The following MINDY4 variants were observed in gnomAD, a reference collection of about 807,000 sequenced individuals.
The protein encoded by MINDY4 is MINDY lysine 48 deubiquitinase 4, also known as probable ubiquitin carboxyl-terminal hydrolase MINDY-4.
A neutral mutation model predicts 87.0 loss-of-function variants in MINDY4; 68 were observed. That is an observed-to-expected ratio of 0.78 (90% CI 0.64 to 0.96). The LOEUF (loss-of-function observed/expected upper bound fraction) is 0.96. Among genes scored for constraint, MINDY4 ranks in the 40% least tolerant of loss-of-function variants. The probability of loss-of-function intolerance (pLI) is 0.00; values close to 1 mark genes in which losing one functional copy is unlikely to be tolerated. For missense variants in MINDY4, 919 were observed against 928.2 expected (o/e 0.99, Z 0.13); for synonymous variants, 379 against 363.2 (o/e 1.04, Z -0.50).
rs188192187 is a variant in MINDY4 at position 30,865,611 on chromosome 7, A to C, written c.1745+6287A>C. Among the ~76,000 whole-genome samples, 204 of 152,310 alleles carry C rather than the reference A, an allele frequency of 1.3e-3. 1 individual carries two copies. Among genetic ancestry groups the C allele is most frequent in the African/African-American group, 4.5e-3 (185 of 41,564 alleles). ...CTCGCTTCCTCTGGAGACCCTGTGC[A>C]GACACCTGAATCTGGAGGCTTAGCC... On this transcript the variant is annotated intron_variant, in intron 13 of 17. Transcript: ENST00000265299.
At chr7:30,806,013 G>A (rs1046917110) in intron 5 of MINDY4, among the ~76,000 whole-genome samples, 23 of 152,170 alleles carry the variant, frequency 1.5e-4, no homozygotes, top group African/African-American at 5.1e-4. Context: ...GCTCAGTAAC[G>A]ATAATTGATG....
At chr7:30,861,742 A>C (rs1383679457) in intron 13 of MINDY4, among the ~76,000 whole-genome samples, 1 of 152,248 alleles carries the variant, frequency 6.6e-6, no homozygotes, top group East Asian at 1.9e-4. Context: ...CCAGGAGCTC[A>C]GATGGCTCTG....
intron 12 of MINDY4, among the ~76,000 whole-genome samples, chr7:30,855,367 T>C (rs7780081): frequency 0.43 from 65,525 of 152,146 alleles, 19,104 homozygotes; most frequent in African/African-American, 0.83. Context: ...TCCGGAGTGT[T>C]GTGAGAGTGC....
intron 5 of MINDY4, among the ~76,000 whole-genome samples, chr7:30,815,398 C>T (rs1233483630): frequency 6.6e-6 from 1 of 152,222 alleles, no homozygotes; most frequent in Non-Finnish European, 1.5e-5. Flanking sequence ...TAGTGGCCCA[C>T]CCACACCTGG....
intron 7 of MINDY4, among the ~76,000 whole-genome samples, chr7:30,837,327 A>AGTGGT (rs1788888128): frequency 6.6e-6 from 1 of 152,140 alleles, no homozygotes; most frequent in Non-Finnish European, 1.5e-5. Context: ...CACTCCCGTG[A>AGTGGT]CCAGAGGCTC....
intron 5 of MINDY4, among the ~76,000 whole-genome samples, chr7:30,806,030 A>T (rs1176003219): frequency 6.6e-6 from 1 of 152,198 alleles, no homozygotes; most frequent in Non-Finnish European, 1.5e-5. Context: ...GATGTCTGTA[A>T]TGATGGGCCC....
chr7:30,810,401 T>C (rs1194052037), intron 5 of MINDY4, among the ~76,000 whole-genome samples: 1 of 151,212 alleles, frequency 6.6e-6, no homozygotes, highest in Admixed American at 6.6e-5. Flanking sequence ...ATACCTTTGG[T>C]AAAAGGATTA....
intron 1 of MINDY4, among the ~76,000 whole-genome samples, chr7:30,775,131 G>A (rs562592323): frequency 6.6e-6 from 1 of 152,150 alleles, no homozygotes; most frequent in East Asian, 1.9e-4. Flanking sequence ...GACACCAATT[G>A]GGTGTCGTAC....
intron 10 of MINDY4, among the ~76,000 whole-genome samples, chr7:30,851,491 G>A (rs920919916): frequency 2.6e-5 from 4 of 152,066 alleles, no homozygotes; most frequent in Non-Finnish European, 4.4e-5. Flanking sequence ...TAATAATTGC[G>A]AAGTGCTTAG....
At chr7:30,846,845 C>T (rs1237468603) in intron 9 of MINDY4, among the ~76,000 whole-genome samples, 1 of 152,170 alleles carries the variant, frequency 6.6e-6, no homozygotes, top group African/African-American at 2.4e-5. Flanking sequence ...AACCTAGATC[C>T]CTCGCATGCA....
Position 30,785,756 on chromosome 7 carries a change from A to C in MINDY4, c.427A>C (p.Asn143His). ...LSETSKARHD[N>H]LDGDVLGNFV... ...AATATTCCTTTTTCACAGACATGAC[A>C]ATCTTGATGGAGATGTACTTGGTAA... The change falls in exon 4 of 18, where the codon AAT becomes CAT. Residue 143 changes from asparagine to histidine, a missense_variant. Coordinates refer to ENST00000265299, the MANE Select transcript of MINDY4 (RefSeq NM_032222.3). 6.2e-7 allele frequency: 1 copy of C among 1,614,212 alleles called. No individual in the cohort carries two copies. Among genetic ancestry groups the C allele is most frequent in the Non-Finnish European group, 8.5e-7 (1 of 1,180,038 alleles).
intron 5 of MINDY4, among the ~76,000 whole-genome samples, chr7:30,814,204 G>A (rs989571714): frequency 6.6e-6 from 1 of 152,162 alleles, no homozygotes. Context: ...ATACAAGACC[G>A]TGTGAACACA....
At chr7:30,865,857 C>T (rs1789918047) in intron 13 of MINDY4, among the ~76,000 whole-genome samples, 1 of 152,232 alleles carries the variant, frequency 6.6e-6, no homozygotes, top group Non-Finnish European at 1.5e-5. Flanking sequence ...CCTGCATCGT[C>T]TTCCCTGGAC....
At chr7:30,885,970 G>A (rs933584322) in intron 17 of MINDY4, among the ~76,000 whole-genome samples, 4 of 152,146 alleles carry the variant, frequency 2.6e-5, no homozygotes, top group African/African-American at 9.7e-5. Context: ...GTGGTGAGTG[G>A]GAACACTGCC....
At position 30,840,806 on chromosome 7, in the gene MINDY4, A is replaced by C. The variant is rs561130102; in HGVS notation, c.1403A>C (p.Gln468Pro). ...GCAGCTGTCCAAGGCTGTGTCCTAC[A>C]GAAACTCCTGTTTGAAGGAGATAGC... ...VLAAVQGCVL[Q>P]KLLFEGDSKA... The change falls in exon 9 of 18, where the codon CAG becomes CCG. Residue 468 changes from glutamine to proline, a missense_variant. Physicochemically the swap from Gln to Pro is moderately conservative, Grantham distance 76 (BLOSUM62 -1). Transcript: ENST00000265299. 6.2e-7 allele frequency: 1 copy of C among 1,614,200 alleles called. No individual in the cohort carries two copies. The highest frequency in any genetic ancestry group is 1.3e-5 in the African/African-American group (1 of 75,054).
intron 5 of MINDY4, among the ~76,000 whole-genome samples, chr7:30,809,946 G>C (rs1036845704): frequency 3.9e-5 from 6 of 152,146 alleles, no homozygotes; most frequent in African/African-American, 1.4e-4. Context: ...GGGAGGCCGA[G>C]GTGGGTGGAT....
intron 1 of MINDY4, among the ~76,000 whole-genome samples, chr7:30,774,359 T>A (rs552998695): frequency 2.1e-4 from 32 of 152,298 alleles, no homozygotes; most frequent in African/African-American, 7.0e-4. Flanking sequence ...CACCCCTCCA[T>A]GTGTGCATGC....
chr7:30,834,095 C>T (rs765702337), intron 6 of MINDY4, among the ~76,000 whole-genome samples: 2 of 152,232 alleles, frequency 1.3e-5, no homozygotes, highest in Non-Finnish European at 2.9e-5. Flanking sequence ...GCCCTCTTCT[C>T]ACAGCTCCAC....
chr7:30,773,870 C>CCA, intron 1 of MINDY4, among the ~76,000 whole-genome samples: 1 of 152,328 alleles, frequency 6.6e-6, no homozygotes, highest in Non-Finnish European at 1.5e-5. Context: ...CTCGGGCCTA[C>CCA]CATAACCCAC....
Sources: gnomAD v4.1 joint callset for allele counts (sites outside exome capture counted in the v4.1 genomes callset) on GRCh38, gnomAD v4.1.1 for gene constraint, MANE v1.5 for transcripts, NCBI Gene and HGNC (gene_info 2026-07-23, HGNC 2026-07-21) for gene names.